The following CAMKMT variants were observed in gnomAD, a reference collection of about 807,000 sequenced individuals.
The protein encoded by CAMKMT is calmodulin-lysine N-methyltransferase, also known as CaM KMT.
CAMKMT carries 53 observed loss-of-function variants against 48.0 expected under a neutral mutation model. That is an observed-to-expected ratio of 1.10 (90% CI 0.89 to 1.39). CAMKMT has a LOEUF of 1.39. CAMKMT is among the 40% of genes most tolerant of loss of function. CAMKMT has a pLI of 0.00. For synonymous variants in CAMKMT, 165 were observed against 152.3 expected (o/e 1.08, Z -0.61); for missense variants, 428 against 402.7 (o/e 1.06, Z -0.54).
intron 3 of CAMKMT, among the ~76,000 whole-genome samples, chr2:44,413,799 T>A (rs1221960925): frequency 1.3e-5 from 2 of 152,226 alleles, no homozygotes; most frequent in Non-Finnish European, 2.9e-5. Context: ...AAGATGATGC[T>A]TTAAAAGGAG....
chr2:44,599,062 A>G (rs373485637), intron 3 of CAMKMT, among the ~76,000 whole-genome samples: 1 of 151,968 alleles, frequency 6.6e-6, no homozygotes, highest in African/African-American at 2.4e-5. Flanking sequence ...AAAATCCTAT[A>G]TTTTCTGTGG....
At chr2:44,472,206 G>A (rs181009080) in intron 3 of CAMKMT, among the ~76,000 whole-genome samples, 80 of 152,162 alleles carry the variant, frequency 5.3e-4, no homozygotes, top group Non-Finnish European at 7.6e-4. Flanking sequence ...GAGTAGCTGG[G>A]ACTACAGGTG....
chr2:44,586,940 A>C (rs1398041419), intron 3 of CAMKMT, among the ~76,000 whole-genome samples: 1 of 150,218 alleles, frequency 6.7e-6, no homozygotes, highest in South Asian at 2.1e-4. Flanking sequence ...AGCATGGGAA[A>C]GGTCTGTCAA....
intron 3 of CAMKMT, among the ~76,000 whole-genome samples, chr2:44,427,872 G>C (rs889357446): frequency 3.9e-5 from 6 of 152,112 alleles, no homozygotes; most frequent in African/African-American, 1.4e-4. Flanking sequence ...GACAGGGTTG[G>C]CTCGTTTGCT....
chr2:44,417,507 G>T (rs1031929492), intron 3 of CAMKMT, among the ~76,000 whole-genome samples: 1 of 152,200 alleles, frequency 6.6e-6, no homozygotes, highest in Non-Finnish European at 1.5e-5. Context: ...CATAAAACTA[G>T]TGTGAACATT....
chr2:44,596,658 G>A (rs1670687538), intron 3 of CAMKMT, among the ~76,000 whole-genome samples: 1 of 151,902 alleles, frequency 6.6e-6, no homozygotes, highest in African/African-American at 2.4e-5. Flanking sequence ...CCAAGGCAGT[G>A]GCATCTCTCA....
In CAMKMT at chr2:44,648,301, A is replaced by G. The variant is rs774063898; in HGVS notation, c.377-55982A>G. The stretch of plus-strand genomic sequence containing the variant: ...CTGCAGAGTAGAAATTGAGGACTGG[A>G]GTTTGGTGGTGGGCAGACTTTCAAA... On this transcript the variant is annotated intron_variant, in intron 3 of 10. Coordinates refer to ENST00000378494, the MANE Select transcript of CAMKMT (RefSeq NM_024766.5). Among the ~76,000 whole-genome samples, 162 of 152,172 alleles carry G rather than the reference A, an allele frequency of 1.1e-3. 2 individuals carry two copies. The highest frequency in any genetic ancestry group is 2.2e-4 in the Non-Finnish European group (15 of 68,040).
intron 3 of CAMKMT, among the ~76,000 whole-genome samples, chr2:44,522,257 G>A (rs1223225): frequency 0.049 from 7,396 of 151,792 alleles, 242 homozygotes; most frequent in Non-Finnish European, 0.069. Context: ...TGCTCGCCTC[G>A]GCCTCTCAAA....
At chr2:44,421,762 G>C (rs1198873136) in intron 3 of CAMKMT, among the ~76,000 whole-genome samples, 2 of 152,124 alleles carry the variant, frequency 1.3e-5, no homozygotes, top group Non-Finnish European at 2.9e-5. Context: ...ATGGTTTTTA[G>C]AACAACAATG....
In CAMKMT at chr2:44,502,431, A is replaced by G. The variant is rs138813421; in HGVS notation, c.376+112126A>G. ...CCTTCCTTACCTCCCATGCCCTTGT[A>G]CCCTTTTAACTTTCTTTAAAAATGG... On this transcript the variant is annotated intron_variant, in intron 3 of 10. Coordinates refer to ENST00000378494, the MANE Select transcript of CAMKMT (RefSeq NM_024766.5). Among the ~76,000 whole-genome samples the G allele has an allele frequency of 1.3e-4, 20 of 152,036 alleles. No homozygotes were observed. The East Asian group carries it at 3.5e-3, about 26-fold the overall frequency.
rs777039644 is a variant in CAMKMT, at chr2:44,372,749, C to T, written c.172C>T (p.Arg58Ter). The change falls in exon 2 of 11, where the codon CGA (arginine) becomes TGA (stop). Residue 58 changes from arginine to a stop codon, truncating the protein, a stop_gained. Coordinates refer to ENST00000378494, the MANE Select transcript of CAMKMT (RefSeq NM_024766.5). LOFTEE classifies it high-confidence loss of function. ...GCAAAAACACCTGGATGATTGCCTG[C>T]GACATGTATCTGTAAGAAGATTTGA... Reference protein sequence around the residue: ...LKQKHLDDCLRHVSVRRFESF... With the variant: ...LKQKHLDDCL 33 of 1,612,966 alleles carry T rather than the reference C, an allele frequency of 2.0e-5. No individual in the cohort carries two copies. The highest frequency in any genetic ancestry group is 1.3e-4 in the East Asian group (6 of 44,812).
chr2:44,488,733 AC>A (rs1387543703), intron 3 of CAMKMT, among the ~76,000 whole-genome samples: 1 of 151,828 alleles, frequency 6.6e-6, no homozygotes, highest in Non-Finnish European at 1.5e-5. Context: ...ACCCCAAAAA[AC>A]CCAAACTTAT....
intron 3 of CAMKMT, among the ~76,000 whole-genome samples, chr2:44,450,573 A>G (rs1286281645): frequency 6.6e-6 from 1 of 152,176 alleles, no homozygotes; most frequent in Non-Finnish European, 1.5e-5. Context: ...ATTTTTAGTT[A>G]CACTTTCACC....
chr2:44,666,513 G>C (rs1573026487), intron 3 of CAMKMT, among the ~76,000 whole-genome samples: 1 of 151,910 alleles, frequency 6.6e-6, no homozygotes, highest in East Asian at 1.9e-4. Flanking sequence ...CAGACACCAA[G>C]ATCTAAGTTC....
rs138649529 is a variant in CAMKMT at position 44,711,814 on chromosome 2, T to A, written c.557-3473T>A. On this transcript the variant is annotated intron_variant, in intron 6 of 10. Transcript: ENST00000378494. The stretch of plus-strand genomic sequence containing the variant: ...TACTCCATTAAGCCTAACAAATAGG[T>A]ATCATTACTTCTGTTTTAGAGATGG... 4.6e-5 allele frequency among the ~76,000 whole-genome samples: 7 copies of A among 152,250 alleles called. No individual in the cohort carries two copies. The East Asian group carries it at 1.4e-3, about 29-fold the overall frequency.
chr2:44,697,811 G>A (rs766000932), intron 3 of CAMKMT, among the ~76,000 whole-genome samples: 13 of 152,046 alleles, frequency 8.6e-5, no homozygotes, highest in Admixed American at 2.6e-4. Context: ...GCACAGTGAG[G>A]GGTCAGTAGA....
chr2:44,389,054 G>A (rs905304005), intron 2 of CAMKMT, among the ~76,000 whole-genome samples: 2 of 152,090 alleles, frequency 1.3e-5, no homozygotes, highest in East Asian at 1.9e-4. Flanking sequence ...GGTGGTGGGC[G>A]GGGCCCTAGA....
chr2:44,574,829 C>A (rs1669122044), intron 3 of CAMKMT, among the ~76,000 whole-genome samples: 1 of 152,018 alleles, frequency 6.6e-6, no homozygotes, highest in South Asian at 2.1e-4. Context: ...CAACCTCCAT[C>A]TCCCAGGTTC....
At chr2:44,437,358 A>G (rs1666325792) in intron 3 of CAMKMT, among the ~76,000 whole-genome samples, 1 of 152,166 alleles carries the variant, frequency 6.6e-6, no homozygotes, top group South Asian at 2.1e-4. Context: ...TTCTGCTTCA[A>G]TCCCTTTGCT....
Sources: allele counts gnomAD v4.1 joint callset (sites outside exome capture counted in the v4.1 genomes callset), GRCh38; gene constraint gnomAD v4.1.1; transcripts MANE v1.5; gene names NCBI Gene and HGNC (gene_info 2026-07-23, HGNC 2026-07-21).